CR1L: variants seen among roughly 807,000 people sequenced by gnomAD.
CR1L encodes complement component receptor 1-like protein.
A neutral mutation model predicts 62.3 loss-of-function variants in CR1L; 59 were observed. The observed-to-expected ratio is 0.95, with a 90% CI of 0.77 to 1.18. The LOEUF (loss-of-function observed/expected upper bound fraction) is 1.18, where lower values mean the gene tolerates loss of function less well. Among genes scored for constraint, CR1L ranks in the 50% most tolerant of loss-of-function variants. The probability of loss-of-function intolerance (pLI) is 0.00; values close to 1 mark genes in which losing one functional copy is unlikely to be tolerated. For missense variants in CR1L, 700 were observed against 702.8 expected (o/e 1.00, Z 0.04); for synonymous variants, 279 against 248.7 (o/e 1.12, Z -1.15).
At chr1:207,646,904 A>G (rs995382654) in intron 1 of CR1L, among the ~76,000 whole-genome samples, 1 of 152,014 alleles carries the variant, frequency 6.6e-6, no homozygotes, top group African/African-American at 2.4e-5. Context: ...TGTACGTTGC[A>G]TTTCTTCTCT....
chr1:207,647,696 G>A (rs150929487), intron 1 of CR1L, among the ~76,000 whole-genome samples: 2,534 of 152,266 alleles, frequency 0.017, 59 homozygotes, highest in African/African-American at 0.056. Flanking sequence ...GTTCTTTAAA[G>A]AGCTATGCTC....
intron 1 of CR1L, among the ~76,000 whole-genome samples, chr1:207,659,389 G>A (rs1291225394): frequency 6.6e-6 from 1 of 152,226 alleles, no homozygotes; most frequent in Non-Finnish European, 1.5e-5. Flanking sequence ...CCATGGCCCT[G>A]CATCCCTCAT....
intron 1 of CR1L, among the ~76,000 whole-genome samples, chr1:207,671,615 T>C (rs1279150055): frequency 6.6e-6 from 1 of 150,870 alleles, no homozygotes; most frequent in Admixed American, 6.6e-5. Flanking sequence ...AATTGCATCA[T>C]ATAAAATGCT....
chr1:207,673,728 T>C (rs1663648210), intron 1 of CR1L, among the ~76,000 whole-genome samples: 1 of 152,200 alleles, frequency 6.6e-6, no homozygotes, highest in South Asian at 2.1e-4. Flanking sequence ...GCAGGTAAAA[T>C]TACAACATAA....
intron 4 of CR1L, among the ~76,000 whole-genome samples, chr1:207,692,707 T>G (rs1186182308): frequency 4.0e-5 from 6 of 151,416 alleles, no homozygotes; most frequent in Admixed American, 3.9e-4. Context: ...CATTGGCCGA[T>G]GGATCCCCTT....
At chr1:207,693,208 C>A (rs1428924935) in intron 4 of CR1L, among the ~76,000 whole-genome samples, 3 of 152,204 alleles carry the variant, frequency 2.0e-5, no homozygotes, top group Non-Finnish European at 4.4e-5. Flanking sequence ...ATCTCCACCT[C>A]CCAGATTCAA....
At chr1:207,685,201 T>C (rs11118359) in intron 4 of CR1L, among the ~76,000 whole-genome samples, 55,328 of 152,072 alleles carry the variant, frequency 0.36, 10,220 homozygotes, top group Non-Finnish European at 0.4. Context: ...ACTCTCTATA[T>C]CCAAATCCTG....
intron 10 of CR1L, among the ~76,000 whole-genome samples, chr1:207,715,763 C>T (rs1334842698): frequency 2.6e-5 from 4 of 151,930 alleles, no homozygotes; most frequent in Admixed American, 1.3e-4. Context: ...GTGGTGCAAT[C>T]ACAGCTCACT....
intron 10 of CR1L, among the ~76,000 whole-genome samples, chr1:207,708,571 C>T (rs973467686): frequency 1.3e-5 from 2 of 152,220 alleles, no homozygotes; most frequent in Admixed American, 6.5e-5. Context: ...GTGAAGTCAA[C>T]AAATACAAAG....
chr1:207,690,575 T>C, intron 4 of CR1L, among the ~76,000 whole-genome samples: 1 of 152,230 alleles, frequency 6.6e-6, no homozygotes, highest in East Asian at 1.9e-4. Flanking sequence ...ACTTGTTCTC[T>C]CAGTTATGGA....
intron 3 of CR1L, 31 bp downstream of exon 3, chr1:207,678,328 T>G: frequency 2.1e-5 from 33 of 1,578,206 alleles, no homozygotes; most frequent in Non-Finnish European, 2.8e-5. Flanking sequence ...CCAACATCTC[T>G]TGGTTCAAGG....
chr1:207,708,955 T>C, intron 10 of CR1L: 1 of 359,072 alleles, frequency 2.8e-6, no homozygotes, highest in South Asian at 2.1e-5. Context: ...TGAAATTGGG[T>C]GCATTCAGGG....
chr1:207,645,546 C>T (rs950403492), intron 1 of CR1L, among the ~76,000 whole-genome samples: 4 of 152,172 alleles, frequency 2.6e-5, no homozygotes, highest in African/African-American at 7.2e-5. Context: ...GCATCGTGTG[C>T]GCGGCCGACA....
At chr1:207,718,695 T>A (rs1034840477) in intron 11 of CR1L, among the ~76,000 whole-genome samples, 2 of 152,222 alleles carry the variant, frequency 1.3e-5, no homozygotes, top group African/African-American at 4.8e-5. Context: ...AGGTGTGGGA[T>A]TACAGGCATG....
chr1:207,707,601 C>A (rs1428898133), intron 9 of CR1L, among the ~76,000 whole-genome samples: 4 of 152,120 alleles, frequency 2.6e-5, no homozygotes, highest in Non-Finnish European at 5.9e-5. Context: ...GCACTCCAGC[C>A]TGAGCGACAG....
intron 1 of CR1L, among the ~76,000 whole-genome samples, chr1:207,660,261 C>T (rs1318069084): frequency 6.6e-6 from 1 of 152,238 alleles, no homozygotes; most frequent in Non-Finnish European, 1.5e-5. Context: ...CTGGGAGACA[C>T]CTCCCAATAG....
intron 3 of CR1L, among the ~76,000 whole-genome samples, chr1:207,678,666 T>C (rs1296863937): frequency 2.0e-5 from 3 of 152,208 alleles, no homozygotes; most frequent in Non-Finnish European, 4.4e-5. Context: ...TTAATGGTCA[T>C]AGCACAAATA....
At chr1:207,701,741 T>G in intron 9 of CR1L, 123 bp downstream of exon 9, 1 of 1,252,898 alleles carries the variant, frequency 8.0e-7, no homozygotes, top group South Asian at 1.2e-5. Flanking sequence ...AACACAGGTA[T>G]TAACTCCTGA....
intron 1 of CR1L, among the ~76,000 whole-genome samples, chr1:207,668,114 T>C (rs1264295015): frequency 6.6e-6 from 1 of 150,928 alleles, no homozygotes; most frequent in Non-Finnish European, 1.5e-5. Context: ...TATGGAGGTT[T>C]CTCAAAAAAT....
Sources: gnomAD v4.1 joint callset for allele counts (sites outside exome capture counted in the v4.1 genomes callset) on GRCh38, gnomAD v4.1.1 for gene constraint, MANE v1.5 for transcripts, NCBI Gene and HGNC (gene_info 2026-07-23, HGNC 2026-07-21) for gene names.